The following TASP1 variants were observed in gnomAD, a reference collection of about 807,000 sequenced individuals.
TASP1 encodes threonine aspartase 1.
Under a neutral mutation model 56.6 loss-of-function variants are expected in TASP1, and 16 were observed. The ratio of observed to expected loss-of-function variants is 0.28; its 90% CI spans 0.19 to 0.43. TASP1 has a LOEUF of 0.43. Among genes scored for constraint, TASP1 ranks in the 20% least tolerant of loss-of-function variants. TASP1 has a pLI of 1.00. For missense variants in TASP1, 393 were observed against 511.6 expected, an observed-to-expected ratio of 0.77 and a Z score of 2.24; for synonymous variants, 179 against 184.2, an observed-to-expected ratio of 0.97 and a Z score of 0.23.
At chr20:13,358,848 C>T in the TASP1 span, among the ~76,000 whole-genome samples, 81 of 147,892 alleles carry the variant, frequency 5.5e-4, no homozygotes, top group Non-Finnish European at 1.1e-3. Context: ...CGGCAAGTCC[C>T]GCTTTTCTGG....
intron 8 of TASP1, among the ~76,000 whole-genome samples, chr20:13,555,600 A>G (rs536174101): frequency 1.8e-4 from 28 of 152,084 alleles, no homozygotes; most frequent in Non-Finnish European, 3.7e-4. Context: ...TACTTCCACC[A>G]CATCCACAGC....
chr20:13,325,388 A>G, the TASP1 span, among the ~76,000 whole-genome samples: 3 of 152,366 alleles, frequency 2.0e-5, no homozygotes, highest in South Asian at 2.1e-4. Context: ...CTCTTCTGGT[A>G]TCTGTCTCCA....
chr20:13,126,639 T>C, the TASP1 span: 1 of 1,614,046 alleles, frequency 6.2e-7, no homozygotes, highest in Non-Finnish European at 8.5e-7. Context: ...TGTTTATGCT[T>C]CATCCATGAG....
intron 11 of TASP1, among the ~76,000 whole-genome samples, chr20:13,469,979 T>G (rs935506392): frequency 4.0e-5 from 6 of 151,724 alleles, no homozygotes; most frequent in Admixed American, 2.0e-4. Flanking sequence ...TGGCTAATTC[T>G]TGTATTTTTA....
At chr20:13,310,394 T>C in the TASP1 span, among the ~76,000 whole-genome samples, 1 of 152,120 alleles carries the variant, frequency 6.6e-6, no homozygotes, top group Non-Finnish European at 1.5e-5. Flanking sequence ...GAAATTGGAC[T>C]CTTATCTCAC....
At chr20:13,126,207 A>G in the TASP1 span, among the ~76,000 whole-genome samples, 1 of 152,158 alleles carries the variant, frequency 6.6e-6, no homozygotes, top group Non-Finnish European at 1.5e-5. Flanking sequence ...GGGCACAATC[A>G]TATGTAATAT....
chr20:13,156,063 AACAC>A, the TASP1 span, among the ~76,000 whole-genome samples: 1 of 151,140 alleles, frequency 6.6e-6, no homozygotes, highest in Non-Finnish European at 1.5e-5. Flanking sequence ...GACACATACA[AACAC>A]ACACACACAC....
At chr20:13,135,391 C>T in the TASP1 span, among the ~76,000 whole-genome samples, 6 of 152,304 alleles carry the variant, frequency 3.9e-5, no homozygotes, top group African/African-American at 9.6e-5. Context: ...GACTGCTGAT[C>T]TTCCTCCCAT....
chr20:13,110,218 G>A, the TASP1 span: 4 of 1,612,542 alleles, frequency 2.5e-6, no homozygotes, highest in Non-Finnish European at 3.4e-6. Flanking sequence ...GTGTCTACAG[G>A]TATGTAAATA....
the TASP1 span, among the ~76,000 whole-genome samples, chr20:13,134,880 A>C: frequency 6.6e-6 from 1 of 152,236 alleles, no homozygotes; most frequent in Non-Finnish European, 1.5e-5. Context: ...AAACCAAAAC[A>C]TCAACGCTGC....
intron 6 of TASP1, among the ~76,000 whole-genome samples, chr20:13,575,596 T>C (rs1256860322): frequency 6.6e-6 from 1 of 152,192 alleles, no homozygotes; most frequent in East Asian, 1.9e-4. Flanking sequence ...CCTCTTTTTT[T>C]AATAAATTAC....
chr20:13,435,022 A>C (rs773063029), intron 12 of TASP1, 22 bp downstream of exon 12: 7 of 1,528,592 alleles, frequency 4.6e-6, no homozygotes, highest in Non-Finnish European at 6.2e-6. Flanking sequence ...AAAGACACAC[A>C]CAATGTATAT....
At chr20:13,287,206 C>T in the TASP1 span, among the ~76,000 whole-genome samples, 2 of 152,174 alleles carry the variant, frequency 1.3e-5, no homozygotes, top group African/African-American at 4.8e-5. Context: ...CTCACAGTTC[C>T]ACATGGCTGG....
the TASP1 span, among the ~76,000 whole-genome samples, chr20:13,297,488 G>A: frequency 6.6e-6 from 1 of 152,154 alleles, no homozygotes; most frequent in African/African-American, 2.4e-5. Context: ...TTGTCTCAGG[G>A]TCTGGGGTAA....
chr20:13,206,934 T>C, the TASP1 span, among the ~76,000 whole-genome samples: 2 of 152,200 alleles, frequency 1.3e-5, no homozygotes, highest in African/African-American at 2.4e-5. Flanking sequence ...AGGGGTTATA[T>C]AGATGTGGCA....
the TASP1 span, among the ~76,000 whole-genome samples, chr20:13,142,889 C>G: frequency 1.3e-5 from 2 of 152,132 alleles, no homozygotes; most frequent in Admixed American, 1.3e-4. Flanking sequence ...GAGAGTCTCC[C>G]TCACATCAAA....
the TASP1 span, among the ~76,000 whole-genome samples, chr20:13,152,265 G>A: frequency 2.0e-5 from 3 of 152,176 alleles, no homozygotes; most frequent in Non-Finnish European, 2.9e-5. Context: ...ATCAATAAAT[G>A]TCAAGAGCTT....
intron 13 of TASP1, among the ~76,000 whole-genome samples, chr20:13,394,795 A>C (rs548474715): frequency 6.6e-6 from 1 of 152,124 alleles, no homozygotes; most frequent in South Asian, 2.1e-4. Context: ...ATTCCCTAAG[A>C]AGCACAGACA....
chr20:13,461,311 T>G (rs75570789), intron 11 of TASP1, among the ~76,000 whole-genome samples: 1 of 152,332 alleles, frequency 6.6e-6, no homozygotes, highest in East Asian at 1.9e-4. Flanking sequence ...TTTATTACCA[T>G]ATGATAGACT....
Sources: allele counts gnomAD v4.1 joint callset (sites outside exome capture counted in the v4.1 genomes callset), GRCh38; gene constraint gnomAD v4.1.1; transcripts MANE v1.5; gene names NCBI Gene and HGNC (gene_info 2026-07-23, HGNC 2026-07-21).